The following THSD4 variants were observed in gnomAD, a reference collection of about 807,000 sequenced individuals.
THSD4 encodes thrombospondin type 1 domain containing 4.
A neutral mutation model predicts 119.0 loss-of-function variants in THSD4; 69 were observed. That is an observed-to-expected ratio of 0.58 (90% CI 0.48 to 0.71). The LOEUF is 0.71. Among genes scored for constraint, THSD4 ranks in the 30% least tolerant of loss-of-function variants. The pLI is 0.00. For synonymous variants in THSD4, 524 were observed against 540.4 expected (o/e 0.97, Z 0.42); for missense variants, 1,393 against 1,391.1 (o/e 1.00, Z -0.02).
intron 7 of THSD4, among the ~76,000 whole-genome samples, chr15:71,582,211 T>C (rs1297734327): frequency 1.3e-5 from 2 of 152,196 alleles, no homozygotes; most frequent in African/African-American, 4.8e-5. Flanking sequence ...ATCTTTTACC[T>C]CCTTAGTTAA....
chr15:71,364,691 G>A (rs576563743), intron 6 of THSD4, among the ~76,000 whole-genome samples: 2 of 152,292 alleles, frequency 1.3e-5, no homozygotes, highest in East Asian at 1.9e-4. Flanking sequence ...TCATTAGTAC[G>A]CACATAGTTT....
chr15:71,170,664 C>T (rs896943625), intron 3 of THSD4, among the ~76,000 whole-genome samples: 1 of 152,108 alleles, frequency 6.6e-6, no homozygotes, highest in African/African-American at 2.4e-5. Context: ...TCAAAGGTTA[C>T]CAGGCTTGCA....
At chr15:71,452,055 G>A (rs372024615) in intron 7 of THSD4, among the ~76,000 whole-genome samples, 1 of 152,158 alleles carries the variant, frequency 6.6e-6, no homozygotes, top group Admixed American at 6.5e-5. Context: ...CTCCACCATG[G>A]TCTTCATGAG....
At chr15:71,149,769 G>C (rs74021942) in intron 2 of THSD4, among the ~76,000 whole-genome samples, 1 of 152,020 alleles carries the variant, frequency 6.6e-6, no homozygotes, top group African/African-American at 2.4e-5. Flanking sequence ...AGTTCATTGA[G>C]GTAATTTGAG....
chr15:71,371,440 T>C (rs537921097), intron 6 of THSD4, among the ~76,000 whole-genome samples: 1 of 152,332 alleles, frequency 6.6e-6, no homozygotes, highest in Non-Finnish European at 1.5e-5. Flanking sequence ...CCATGTTTAG[T>C]GCTTCCTTCA....
intron 7 of THSD4, among the ~76,000 whole-genome samples, chr15:71,508,498 C>G (rs1294635299): frequency 6.6e-6 from 1 of 152,178 alleles, no homozygotes; most frequent in African/African-American, 2.4e-5. Context: ...GGGCCAAAGT[C>G]ACCGCACTGA....
chr15:71,351,452 T>G (rs1566950826), intron 6 of THSD4, among the ~76,000 whole-genome samples: 2 of 152,198 alleles, frequency 1.3e-5, no homozygotes, highest in Non-Finnish European at 2.9e-5. Flanking sequence ...TTCTGTTGAT[T>G]GATTTTACTC....
chr15:71,618,342 C>T (rs959019444), intron 7 of THSD4, among the ~76,000 whole-genome samples: 17 of 152,314 alleles, frequency 1.1e-4, no homozygotes, highest in African/African-American at 3.6e-4. Context: ...CTCCCACATG[C>T]GCACACTTTA....
intron 8 of THSD4, among the ~76,000 whole-genome samples, chr15:71,698,583 C>T (rs907813491): frequency 6.7e-6 from 1 of 148,464 alleles, no homozygotes; most frequent in Non-Finnish European, 1.5e-5. Flanking sequence ...TGGAAGCAAC[C>T]TAAATGTGTA....
upstream of THSD4, among the ~76,000 whole-genome samples, chr15:71,114,361 T>A (rs558982721): frequency 6.6e-6 from 1 of 152,266 alleles, no homozygotes; most frequent in African/African-American, 2.4e-5. Context: ...GTCCTCTCGG[T>A]ATACCTGCAC....
At chr15:71,397,204 A>G (rs1175611170) in intron 6 of THSD4, among the ~76,000 whole-genome samples, 2 of 152,104 alleles carry the variant, frequency 1.3e-5, no homozygotes, top group South Asian at 2.1e-4. Flanking sequence ...GCCTTTGGAT[A>G]TATCTCTGCC....
chr15:71,729,050 T>A, intron 9 of THSD4: 1 of 341,494 alleles, frequency 2.9e-6, no homozygotes, highest in South Asian at 3.2e-5. Flanking sequence ...CTCCAGGCAC[T>A]TTCCTTATAC....
intron 8 of THSD4, among the ~76,000 whole-genome samples, chr15:71,716,884 A>G (rs569886843): frequency 6.6e-6 from 1 of 152,270 alleles, no homozygotes; most frequent in South Asian, 2.1e-4. Context: ...ATTTAACTCC[A>G]TGAGGTCACC....
rs143414651 is a variant in THSD4 at position 71,315,154 on chromosome 15, C to T, written c.1015+58439C>T. 1.5e-3 allele frequency among the ~76,000 whole-genome samples: 227 copies of T among 152,284 alleles called. 2 individuals are homozygous for T. Among genetic ancestry groups the T allele is most frequent in the African/African-American group, 5.3e-3 (219 of 41,554 alleles). On this transcript the variant is annotated intron_variant, in intron 6 of 17. Coordinates refer to ENST00000261862, the MANE Select transcript of THSD4 (RefSeq NM_024817.3). ...GGTCCTTGTTGGCATCCTAGAGGTG[C>T]CCTTTGTCCTCCCAGCATGGCCTGG... is the stretch of plus-strand genomic sequence containing the variant.
intron 4 of THSD4, among the ~76,000 whole-genome samples, chr15:71,236,368 C>A (rs2044105795): frequency 6.6e-6 from 1 of 152,176 alleles, no homozygotes; most frequent in Non-Finnish European, 1.5e-5. Context: ...ATTCTTCACT[C>A]CTTTTGAAAA....
At chr15:71,258,887 G>A (rs2044354726) in intron 6 of THSD4, among the ~76,000 whole-genome samples, 1 of 152,166 alleles carries the variant, frequency 6.6e-6, no homozygotes, top group African/African-American at 2.4e-5. Context: ...GCCAAGGCAG[G>A]TGGATCACCT....
intron 8 of THSD4, among the ~76,000 whole-genome samples, chr15:71,700,545 A>G (rs11072322): frequency 0.2 from 30,247 of 152,060 alleles, 3,578 homozygotes; most frequent in African/African-American, 0.34. Flanking sequence ...CAATATTCCA[A>G]TGGAATTTTC....
At chr15:71,365,003 T>C (rs565319164) in intron 6 of THSD4, among the ~76,000 whole-genome samples, 64 of 152,312 alleles carry the variant, frequency 4.2e-4, no homozygotes, top group African/African-American at 1.4e-3. Context: ...AGAATTCTAT[T>C]GTTTTGGCAC....
At chr15:71,656,297 T>C (rs2051191039) in intron 7 of THSD4, among the ~76,000 whole-genome samples, 1 of 152,216 alleles carries the variant, frequency 6.6e-6, no homozygotes, top group African/African-American at 2.4e-5. Flanking sequence ...ATATTATCGT[T>C]AGGGAAAGCT....
Sources: allele counts gnomAD v4.1 joint callset (sites outside exome capture counted in the v4.1 genomes callset), GRCh38; gene constraint gnomAD v4.1.1; transcripts MANE v1.5; gene names NCBI Gene and HGNC (gene_info 2026-07-23, HGNC 2026-07-21).